The following FLNB variants were observed in gnomAD, a reference collection of about 807,000 sequenced individuals.
FLNB encodes filamin-B.
FLNB carries 111 observed loss-of-function variants against 250.6 expected under a neutral mutation model. The observed-to-expected ratio is 0.44, with a 90% CI of 0.38 to 0.52. FLNB has a LOEUF of 0.52. Among genes scored for constraint, FLNB ranks in the 20% least tolerant of loss-of-function variants. The pLI is 0.00. For missense variants in FLNB, 2,869 were observed against 3,447.8 expected (o/e 0.83, Z 4.20); for synonymous variants, 1,302 against 1,372.1 (o/e 0.95, Z 1.13).
chr3:58,046,498 G>A (rs976320975), intron 1 of FLNB, among the ~76,000 whole-genome samples: 4 of 148,618 alleles, frequency 2.7e-5, no homozygotes, highest in Admixed American at 2.0e-4. Context: ...TGCCCAGGCT[G>A]GAGTGCAGTG....
At chr3:58,021,521 ACCTAGGCAGTG>A in intron 1 of FLNB, among the ~76,000 whole-genome samples, 1 of 152,242 alleles carries the variant, frequency 6.6e-6, no homozygotes, top group East Asian at 1.9e-4. Context: ...GCTTGAAAGC[ACCTAGGCAGTG>A]GCTTGTCACA....
At position 58,169,574 on chromosome 3, in the gene FLNB, C is replaced by T. The variant is rs760062299; in HGVS notation, c.7418-16C>T. The T allele has an allele frequency of 2.5e-6, 4 of 1,608,624 alleles. No individual in the cohort carries two copies. In the South Asian group the frequency reaches 4.4e-5, roughly 18 times the overall value. ...TCTGGCCATTCATGCCTGTCCCCCT[C>T]CCTCCTGTATCTTAGGCCAGCGTCT... On this transcript the variant is annotated splice_polypyrimidine_tract_variant and intron_variant, in intron 44 of 45. Coordinates refer to ENST00000295956, the MANE Select transcript of FLNB (RefSeq NM_001457.4). This position sits in a 1 kb window ranked among gnomAD's most constrained non-coding sequence, Gnocchi z 4.8.
At chr3:58,009,442 G>T (rs2097095205) in intron 1 of FLNB, among the ~76,000 whole-genome samples, 1 of 152,192 alleles carries the variant, frequency 6.6e-6, no homozygotes, top group African/African-American at 2.4e-5. Flanking sequence ...GTAGGCGCGG[G>T]TGTGTGTCCT....
rs532390858 is a variant in FLNB at position 58,008,462 on chromosome 3, A to T, written c.-103A>T. The T allele has an allele frequency of 5.0e-6, 7 of 1,398,438 alleles. No individual in the cohort carries two copies. The highest frequency in any genetic ancestry group is 6.9e-6 in the Non-Finnish European group (7 of 1,012,884). The allele number at this position is 1,398,438 out of a possible 1,614,324, so 86.6% of individuals were successfully genotyped here. ...GTGGCTCCGGTAGCAGCAAGTTCGA[A>T]CCCCGCTCCCGCTCCGCTTCGGTTC... On this transcript the variant is annotated 5_prime_UTR_variant, in exon 1 of 46. Coordinates refer to ENST00000295956, the MANE Select transcript of FLNB (RefSeq NM_001457.4).
intron 24 of FLNB, among the ~76,000 whole-genome samples, chr3:58,129,039 G>C (rs1024921494): frequency 2.0e-5 from 3 of 152,186 alleles, no homozygotes; most frequent in Non-Finnish European, 1.5e-5. Context: ...GTACTGCCGG[G>C]AAACAGTCGG....
chr3:58,143,609 C>T lies in FLNB; in HGVS notation c.5421C>T (p.Ile1807=), dbSNP rs767773185. 1.9e-6 allele frequency: 3 copies of T among 1,613,934 alleles called. No individual in the cohort carries two copies. Residue 1807 remains isoleucine (I), a synonymous_variant, in exon 32 of 46, where the codon ATC becomes ATT. Coordinates refer to ENST00000295956, the MANE Select transcript of FLNB (RefSeq NM_001457.4). The part of the protein sequence containing the change: ...EMHIKYMGSH[I]PESPLQFYVN... ...ACATCAAATACATGGGCAGCCACAT[C>T]CCTGGTAAGCTGAGTCAGCAGGCCC...
intron 1 of FLNB, among the ~76,000 whole-genome samples, chr3:58,071,427 C>T (rs2097194372): frequency 2.6e-5 from 4 of 151,930 alleles, no homozygotes; most frequent in Admixed American, 1.3e-4. Flanking sequence ...TACAGGCACA[C>T]ACCACCATGC....
intron 29 of FLNB, among the ~76,000 whole-genome samples, chr3:58,138,739 C>T (rs1035360461): frequency 6.6e-6 from 1 of 152,176 alleles, no homozygotes; most frequent in Non-Finnish European, 1.5e-5. Context: ...ATCTTACTGG[C>T]CACCAAGGTG....
chr3:58,074,628 G>T (rs2097199167), intron 1 of FLNB, among the ~76,000 whole-genome samples: 1 of 152,190 alleles, frequency 6.6e-6, no homozygotes, highest in Admixed American at 6.5e-5. Flanking sequence ...ATTTGTATCT[G>T]TTTCCTATAT....
intron 27 of FLNB, among the ~76,000 whole-genome samples, chr3:58,135,141 C>T (rs1040316492): frequency 2.0e-5 from 3 of 152,336 alleles, no homozygotes; most frequent in Middle Eastern, 3.4e-3. Context: ...AGACATGAGA[C>T]ACTGTGCCCG....
intron 3 of FLNB, among the ~76,000 whole-genome samples, chr3:58,079,914 A>G (rs1196356174): frequency 1.3e-5 from 2 of 152,210 alleles, no homozygotes; most frequent in African/African-American, 2.4e-5. Flanking sequence ...CTTGGAAGGT[A>G]GAACAACATG....
At position 58,142,430 on chromosome 3, in the gene FLNB, C is replaced by T. The variant is rs541045661; in HGVS notation, c.5182-220C>T. On this transcript the variant is annotated intron_variant, in intron 30 of 45. Transcript: ENST00000295956. This position sits in a 1 kb window ranked among gnomAD's most constrained non-coding sequence, Gnocchi z 4.3. ...GCTGGGAATTTTACAAACAGACTCC[C>T]GAGTGATTGCTAACAGTTGGTCAGC... is the stretch of plus-strand genomic sequence containing the variant. Among the ~76,000 whole-genome samples the T allele has an allele frequency of 1.3e-5, 2 of 152,336 alleles. No individual in the cohort carries two copies. Among genetic ancestry groups the T allele is most frequent in the East Asian group, 1.9e-4 (1 of 5,190 alleles).
chr3:58,108,872 A>G (rs1265444123), intron 13 of FLNB, among the ~76,000 whole-genome samples: 1 of 152,246 alleles, frequency 6.6e-6, no homozygotes, highest in Non-Finnish European at 1.5e-5. Context: ...AGATTTGTAA[A>G]CAAGGATTTA....
intron 1 of FLNB, among the ~76,000 whole-genome samples, chr3:58,064,573 A>G (rs560153990): frequency 2.4e-4 from 36 of 152,226 alleles, no homozygotes; most frequent in Admixed American, 2.0e-3. Flanking sequence ...ACACAGGCTG[A>G]TAGGTTTGGG....
chr3:58,171,018 G>A lies in FLNB; in HGVS notation c.*256G>A, dbSNP rs186811532. The A allele has an allele frequency of 2.2e-4, 106 of 487,056 alleles. No homozygotes were observed. The Admixed American group carries it at 3.5e-3, about 16-fold the overall frequency. 30.2% of individuals were successfully genotyped at this position (487,056 alleles called of 1,614,324 possible). A position where few individuals can be genotyped will look rare whatever the true frequency, so the allele number is the denominator to read the frequency against. ...CACTAGGTGCAAACCAGAACTCTTG[G>A]TGGAACAGACCAGCCACTGCAGCAG... On this transcript the variant is annotated 3_prime_UTR_variant, in exon 46 of 46. Transcript: ENST00000295956. This position sits in a 1 kb window ranked among gnomAD's most constrained non-coding sequence, Gnocchi z 5.5.
intron 32 of FLNB, among the ~76,000 whole-genome samples, chr3:58,145,530 A>G (rs1248875037): frequency 1.3e-5 from 2 of 152,180 alleles, no homozygotes; most frequent in Non-Finnish European, 2.9e-5. Flanking sequence ...GATTCCTTAC[A>G]GGTTGAATGG....
intron 1 of FLNB, among the ~76,000 whole-genome samples, chr3:58,023,880 C>G (rs2097118581): frequency 1.3e-5 from 2 of 152,152 alleles, no homozygotes; most frequent in Non-Finnish European, 1.5e-5. Context: ...TACTTGGTAA[C>G]TATTGTGACC....
chr3:58,094,390 C>G (rs765414254), intron 4 of FLNB, among the ~76,000 whole-genome samples: 3 of 152,166 alleles, frequency 2.0e-5, no homozygotes, highest in Non-Finnish European at 4.4e-5. Context: ...CTTACACCTA[C>G]AGGTAAAATC....
At chr3:58,154,761 G>T in intron 39 of FLNB, 30 bp from the exon 40 acceptor site, 1 of 1,612,808 alleles carries the variant, frequency 6.2e-7, no homozygotes, top group Non-Finnish European at 8.5e-7. Context: ...GTGGGGCTCA[G>T]TCACTAACCA....
Sources: allele counts gnomAD v4.1 joint callset (sites outside exome capture counted in the v4.1 genomes callset), GRCh38; gene constraint gnomAD v4.1.1; non-coding constraint Gnocchi (gnomAD v3.1); transcripts MANE v1.5; gene names NCBI Gene and HGNC (gene_info 2026-07-23, HGNC 2026-07-21).